The following SATB1 variants were observed in gnomAD, a reference collection of about 807,000 sequenced individuals.
SATB1 encodes DNA-binding protein SATB1.
A neutral mutation model predicts 86.9 loss-of-function variants in SATB1; 11 were observed. That is an observed-to-expected ratio of 0.13 (90% CI 0.08 to 0.21). SATB1 has a LOEUF of 0.21. Ranked by LOEUF, SATB1 falls within the 10% of genes least tolerant of loss-of-function variation. The pLI is 1.00. For synonymous variants in SATB1, 357 were observed against 357.2 expected (o/e 1.00, Z 0.01); for missense variants, 551 against 937.6 (o/e 0.59, Z 5.39).
At chr3:18,392,782 G>C (rs1196071833) in intron 7 of SATB1, among the ~76,000 whole-genome samples, 1 of 151,884 alleles carries the variant, frequency 6.6e-6, no homozygotes, top group African/African-American at 2.4e-5. Flanking sequence ...GGAATATTTA[G>C]AGGGTTGACT....
rs193260727 is a variant in SATB1 at position 18,398,675 on chromosome 3, C to T, written c.640-1385G>A. Among the ~76,000 whole-genome samples, 4 of 152,098 alleles carry T rather than the reference C, an allele frequency of 2.6e-5. No individual in the cohort carries two copies. In the East Asian group the frequency reaches 7.7e-4, roughly 29 times the overall value. The stretch of plus-strand genomic sequence containing the variant: ...CTTCCAGTGAAGGATAAGCTGGAGT[C>T]GCATTATTTATGTAAAACACAGCTA... On this transcript the variant is annotated intron_variant, in intron 5 of 10. Coordinates refer to ENST00000338745, the MANE Select transcript of SATB1 (RefSeq NM_002971.6).
At position 18,352,938 on chromosome 3, in the gene SATB1, GT is replaced by G. The variant is rs58265674; in HGVS notation, c.1576-744del. 98,125 of 151,930 alleles carry G rather than the reference GT, an allele frequency of 0.65. 32,121 individuals carry two copies. The highest frequency in any genetic ancestry group is 0.84 in the East Asian group (4,352 of 5,168). 9.4% of individuals were successfully genotyped at this position (151,930 alleles called of 1,614,324 possible). A position where few individuals can be genotyped will look rare whatever the true frequency, so the allele number is the denominator to read the frequency against. ...ACCTCTCTGATGTTTCCAAGGCCCA[GT>G]TTTTTTACCCTGAGGTTATCTATCA... On this transcript the variant is annotated intron_variant, in intron 9 of 10. Transcript: ENST00000338745. This position sits in a 1 kb window ranked among gnomAD's most constrained non-coding sequence, Gnocchi z 4.1.
At chr3:18,421,940 T>C (rs180814313) in intron 1 of SATB1, among the ~76,000 whole-genome samples, 2 of 152,026 alleles carry the variant, frequency 1.3e-5, no homozygotes, top group East Asian at 1.9e-4. Flanking sequence ...GGCATTAACA[T>C]TGTAATTAAC....
At chr3:18,364,130 T>C (rs947994205) in intron 9 of SATB1, among the ~76,000 whole-genome samples, 6 of 152,302 alleles carry the variant, frequency 3.9e-5, no homozygotes, top group Middle Eastern at 3.4e-3. Context: ...AAAATACATA[T>C]ATATTTTTTT....
chr3:18,415,257 A>G (rs1559450649), intron 4 of SATB1, 23 bp from the exon 5 acceptor site: 1 of 1,612,034 alleles, frequency 6.2e-7, no homozygotes, highest in Non-Finnish European at 8.5e-7. Flanking sequence ...TAGATTAGAA[A>G]GGGGATTATT....
chr3:18,376,582 G>C (rs939458589), intron 9 of SATB1, among the ~76,000 whole-genome samples: 7 of 151,434 alleles, frequency 4.6e-5, no homozygotes, highest in East Asian at 3.9e-4. Context: ...AAGTAGGTGG[G>C]GGGGGGGAGT....
upstream of SATB1, among the ~76,000 whole-genome samples, chr3:18,442,521 C>T (rs1289248462): frequency 6.6e-6 from 1 of 152,090 alleles, no homozygotes; most frequent in African/African-American, 2.4e-5. Flanking sequence ...TCATTTAAAA[C>T]GTGTACAAAT....
intron 8 of SATB1, among the ~76,000 whole-genome samples, chr3:18,384,159 G>A (rs1366449944): frequency 1.3e-5 from 2 of 152,014 alleles, no homozygotes; most frequent in Non-Finnish European, 2.9e-5. Context: ...TACAGCTAAG[G>A]GTGGCACAAC....
Position 18,394,978 on chromosome 3 carries a change from C to T in SATB1, c.752-62G>A, listed in dbSNP as rs1175636260. ...CAATGATTGGCATTGATAAAGATTTCTAACCATTTCCTAAATTAAAAAAGG... is the reference window on the plus strand; with the variant it reads ...CAATGATTGGCATTGATAAAGATTTTTAACCATTTCCTAAATTAAAAAAGG... On this transcript the variant is annotated intron_variant, in intron 6 of 10. Transcript: ENST00000338745. The surrounding 1 kb of genome is among the most constrained non-coding windows in gnomAD (Gnocchi z 5.9). 3.9e-6 allele frequency: 5 copies of T among 1,296,610 alleles called. No homozygotes were observed. In the Admixed American group the frequency reaches 1.3e-4, roughly 34 times the overall value. The allele number at this position is 1,296,610 out of a possible 1,614,324, so 80.3% of individuals were successfully genotyped here. A position where few individuals can be genotyped will look rare whatever the true frequency, so the allele number is the denominator to read the frequency against.
Position 18,417,002 on chromosome 3 carries a change from T to C in SATB1, c.288A>G (p.Ala96=). Residue 96 remains alanine (A), a synonymous_variant, in exon 3 of 11, where the codon GCA becomes GCG. Coordinates refer to ENST00000338745, the MANE Select transcript of SATB1 (RefSeq NM_002971.6). ...TATCCTTTCTCACCAGCACAAATTCTGCATGCTCCTCCTTGCAATCATATT... is the reference window on the plus strand; with the variant it reads ...TATCCTTTCTCACCAGCACAAATTCCGCATGCTCCTCCTTGCAATCATATT... ...AIEYDCKEEH[A]EFVLVRKDML... 1 of 1,613,714 alleles carries C rather than the reference T, an allele frequency of 6.2e-7. No homozygotes were observed. The highest frequency in any genetic ancestry group is 1.3e-5 in the African/African-American group (1 of 75,016).
Position 18,349,867 on chromosome 3 carries a change from T to A in SATB1, c.1780-185A>T. ...CATTTACAAAAAAATCAAAATGATA[T>A]GACTAGGAAGGGATGAATTAAGACA... On this transcript the variant is annotated intron_variant, in intron 10 of 10. Transcript: ENST00000338745. The surrounding 1 kb of genome is among the most constrained non-coding windows in gnomAD (Gnocchi z 5.5). The A allele has an allele frequency of 9.3e-7, 1 of 1,070,832 alleles. No homozygotes were observed. Among genetic ancestry groups the A allele is most frequent in the Non-Finnish European group, 1.3e-6 (1 of 772,062 alleles). 66.3% of individuals were successfully genotyped at this position (1,070,832 alleles called of 1,614,324 possible).
intron 5 of SATB1, among the ~76,000 whole-genome samples, chr3:18,404,483 A>T (rs1697421412): frequency 6.6e-6 from 1 of 152,032 alleles, no homozygotes; most frequent in South Asian, 2.1e-4. Flanking sequence ...CACATTGCTA[A>T]AATTGGAAAC....
rs758408329 is a variant in SATB1, at chr3:18,386,647, C to T, written c.1207-36G>A. On this transcript the variant is annotated intron_variant, in intron 7 of 10. Transcript: ENST00000338745. The surrounding 1 kb of genome is among the most constrained non-coding windows in gnomAD (Gnocchi z 4.5). The stretch of plus-strand genomic sequence containing the variant: ...TGAAAGGCACAGGGTGAGCCTGCTG[C>T]CTTGCTTTGCCTGGCCAGCAGTGAT... 8 of 1,554,672 alleles carry T rather than the reference C, an allele frequency of 5.1e-6. No individual in the cohort carries two copies. The African/African-American group carries it at 1.1e-4, about 21-fold the overall frequency.
At chr3:18,441,978 G>A (rs1291090568), upstream of SATB1, among the ~76,000 whole-genome samples, 1 of 152,090 alleles carries the variant, frequency 6.6e-6, no homozygotes, top group Non-Finnish European at 1.5e-5. Flanking sequence ...AACTACTTTT[G>A]TAGATTATCA....
At chr3:18,440,847 T>TGA (rs2125210678), upstream of SATB1, among the ~76,000 whole-genome samples, 1 of 152,294 alleles carries the variant, frequency 6.6e-6, no homozygotes, top group Non-Finnish European at 1.5e-5. Context: ...TGTTCTGTAA[T>TGA]CTGATCACAA....
intron 7 of SATB1, among the ~76,000 whole-genome samples, chr3:18,388,537 T>G (rs1331845958): frequency 6.6e-6 from 1 of 152,102 alleles, no homozygotes; most frequent in African/African-American, 2.4e-5. Context: ...CCCAGCACAA[T>G]GTCTCTCATG....
At chr3:18,355,417 G>T (rs1694581207) in intron 9 of SATB1, among the ~76,000 whole-genome samples, 1 of 152,002 alleles carries the variant, frequency 6.6e-6, no homozygotes, top group Non-Finnish European at 1.5e-5. Context: ...AATGACTAAA[G>T]AAGCCAAATG....
chr3:18,407,339 T>C (rs1697590697), intron 5 of SATB1, among the ~76,000 whole-genome samples: 2 of 152,062 alleles, frequency 1.3e-5, no homozygotes, highest in African/African-American at 4.8e-5. Flanking sequence ...TATAATATAG[T>C]CTTTTAATTT....
chr3:18,390,387 G>C (rs1406404629), intron 7 of SATB1, among the ~76,000 whole-genome samples: 1 of 152,088 alleles, frequency 6.6e-6, no homozygotes, highest in East Asian at 1.9e-4. Context: ...CCTATGTCCA[G>C]GTAAAAGACT....
Sources: allele counts gnomAD v4.1 joint callset (sites outside exome capture counted in the v4.1 genomes callset), GRCh38; gene constraint gnomAD v4.1.1; non-coding constraint Gnocchi (gnomAD v3.1); transcripts MANE v1.5; gene names NCBI Gene and HGNC (gene_info 2026-07-23, HGNC 2026-07-21).